The following NOX5 variants were observed in gnomAD, a reference collection of about 807,000 sequenced individuals.
The protein encoded by NOX5 is NADPH oxidase, EF-hand calcium binding domain 5.
In NOX5, 76 loss-of-function variants were observed where a neutral mutation model predicts 85.7. That is an observed-to-expected ratio of 0.89 (90% CI 0.74 to 1.07). The LOEUF is 1.07. Ranked by LOEUF, NOX5 falls within the 50% of genes least tolerant of loss-of-function variation. The probability of loss-of-function intolerance (pLI) is 0.00; values close to 1 mark genes in which losing one functional copy is unlikely to be tolerated. For synonymous variants in NOX5, 405 were observed against 401.4 expected (o/e 1.01, Z -0.11); for missense variants, 973 against 999.5 (o/e 0.97, Z 0.36).
chr15:69,050,289 T>G (rs2050730691), intron 14 of NOX5, among the ~76,000 whole-genome samples: 1 of 152,232 alleles, frequency 6.6e-6, no homozygotes, highest in Non-Finnish European at 1.5e-5. Context: ...TACATATATT[T>G]ACCATTTCTG....
chr15:69,030,759 C>G (rs941316299), intron 3 of NOX5: 1 of 152,226 alleles, frequency 6.6e-6, no homozygotes, highest in African/African-American at 2.4e-5. Context: ...CAATTTCCTT[C>G]TCCCAGATAC....
Position 69,047,053 on chromosome 15 carries a change from G to T in NOX5, c.1692+187G>T, listed in dbSNP as rs2050682794. ...CCCCCTGCTCTTTATATCCAAGGGT[G>T]CTCAGCCTCACCCTCAGCCTGTCTC... On this transcript the variant is annotated intron_variant, in intron 11 of 15. Transcript: ENST00000388866. The T allele has an allele frequency of 2.1e-5, 13 of 628,540 alleles. No individual in the cohort carries two copies. The South Asian group carries it at 2.6e-4, about 13-fold the overall frequency. The allele number at this position is 628,540 out of a possible 1,614,324, so 38.9% of individuals were successfully genotyped here. A position where few individuals can be genotyped will look rare whatever the true frequency, so the allele number is the denominator to read the frequency against.
In NOX5 at chr15:69,031,759, G is replaced by T; in HGVS notation, c.567G>T (p.Glu189Asp). ...ADGNGAITFE[E>D]LRDELQRFPG... The stretch of plus-strand genomic sequence containing the variant: ...GCAACGGGGCCATCACCTTCGAGGA[G>T]CTCCGGGACGAGCTGCAGCGCTTCC... Residue 189 changes from glutamate to aspartate, a missense_variant, in exon 4 of 16, where the codon GAG becomes GAT. Coordinates refer to ENST00000388866, the MANE Select transcript of NOX5 (RefSeq NM_024505.4). 8 of 1,608,932 alleles carry T rather than the reference G, an allele frequency of 5.0e-6. No individual in the cohort carries two copies. Among genetic ancestry groups the T allele is most frequent in the Non-Finnish European group, 6.8e-6 (8 of 1,176,352 alleles).
At chr15:69,028,441 G>A (rs1015697162) in intron 3 of NOX5, 76 bp downstream of exon 3, 14 of 1,440,422 alleles carry the variant, frequency 9.7e-6, no homozygotes, top group East Asian at 7.4e-5. Context: ...TTTCACCTTG[G>A]CAGGCCTGGA....
chr15:69,052,526 T>G (rs1001908242), intron 14 of NOX5, among the ~76,000 whole-genome samples: 10 of 152,234 alleles, frequency 6.6e-5, no homozygotes, highest in Non-Finnish European at 8.8e-5. Flanking sequence ...ATTGGCATAG[T>G]GTTTTAGACT....
At chr15:69,018,342 A>G (rs1268601953) in intron 1 of NOX5, among the ~76,000 whole-genome samples, 2 of 152,156 alleles carry the variant, frequency 1.3e-5, no homozygotes, top group African/African-American at 2.4e-5. Context: ...TAAGTCTGAT[A>G]AGAAACATTT....
intron 5 of NOX5, among the ~76,000 whole-genome samples, chr15:69,033,576 C>T (rs1443060885): frequency 6.6e-6 from 1 of 152,170 alleles, no homozygotes; most frequent in Non-Finnish European, 1.5e-5. Flanking sequence ...GACCCCTGTG[C>T]AGGAGCACCT....
At position 69,059,668 on chromosome 15, in the gene NOX5, G is replaced by A. The variant is rs901750327; in HGVS notation, c.*2972G>A. ...CATCGAAGGCAGCAGGACCACACAT[G>A]TGAGTGTACAGCACGCATGGTCTGA... On this transcript the variant is annotated 3_prime_UTR_variant, in exon 16 of 16. Coordinates refer to ENST00000388866, the MANE Select transcript of NOX5 (RefSeq NM_024505.4). 51 of 152,216 alleles carry A rather than the reference G, an allele frequency of 3.4e-4. No homozygotes were observed. The highest frequency in any genetic ancestry group is 1.2e-3 in the African/African-American group (51 of 41,426). The allele number at this position is 152,216 out of a possible 1,614,324, so 9.4% of individuals were successfully genotyped here.
Position 69,047,418 on chromosome 15 carries a change from C to G in NOX5, c.1698C>G (p.Tyr566Ter), listed in dbSNP as rs750766892. Residue 566 changes from tyrosine (Y) to a stop codon, truncating the protein, a stop_gained, in exon 12 of 16, where the codon TAC becomes TAG. Transcript: ENST00000388866. LOFTEE classifies it high-confidence loss of function. The stretch of plus-strand genomic sequence containing the variant: ...TGATGCCCTCTTGTGCACAGTGCTA[C>G]ATCGATGGGCCTTATGGGACCCCCA... ...EKHKFCNIKC[Y>*]IDGPYGTPTR... 8.1e-6 allele frequency: 13 copies of G among 1,613,034 alleles called. No individual in the cohort carries two copies. In the Admixed American group the frequency reaches 2.0e-4, roughly 25 times the overall value.
intron 1 of NOX5, among the ~76,000 whole-genome samples, chr15:69,017,444 G>A (rs901386627): frequency 5.9e-5 from 9 of 152,072 alleles, no homozygotes; most frequent in East Asian, 3.9e-4. Context: ...GAGCCACTGC[G>A]GCCGGCCAGA....
intron 1 of NOX5, chr15:69,022,247 C>T (rs966173452): frequency 8.4e-5 from 17 of 203,560 alleles, no homozygotes; most frequent in Admixed American, 4.8e-5. Flanking sequence ...CCAATAATGT[C>T]GAAGTTTTTA....
At chr15:69,055,927 C>G (rs1382902408) in intron 15 of NOX5, among the ~76,000 whole-genome samples, 1 of 152,042 alleles carries the variant, frequency 6.6e-6, no homozygotes, top group African/African-American at 2.4e-5. Flanking sequence ...TTTTTCTTTC[C>G]TGAACACTTA....
chr15:69,027,499 A>T lies in NOX5; in HGVS notation c.175-716A>T, dbSNP rs116576798. 7.3e-3 allele frequency among the ~76,000 whole-genome samples: 1,111 copies of T among 152,124 alleles called. 15 individuals carry two copies. The highest frequency in any genetic ancestry group is 0.026 in the African/African-American group (1,071 of 41,518). ...TACCTCATACTTGTGAACCCCTCAT[A>T]GTTTTATTAAGTCAGACACTAGAGC... On this transcript the variant is annotated intron_variant, in intron 2 of 15. Coordinates refer to ENST00000388866, the MANE Select transcript of NOX5 (RefSeq NM_024505.4).
In NOX5 at chr15:69,059,265, C is replaced by G. The variant is rs768828204; in HGVS notation, c.*2569C>G. On this transcript the variant is annotated 3_prime_UTR_variant, in exon 16 of 16. Transcript: ENST00000388866. ...CAGATTCCAGTTGCCCACGAGAGGGCGCTGCAGAATCACGGATCTCAAGCG... is the reference window on the plus strand; with the variant it reads ...CAGATTCCAGTTGCCCACGAGAGGGGGCTGCAGAATCACGGATCTCAAGCG... The G allele has an allele frequency of 6.6e-6, 1 of 152,126 alleles. No individual in the cohort carries two copies. The highest frequency in any genetic ancestry group is 1.5e-5 in the Non-Finnish European group (1 of 68,024). 9.4% of individuals were successfully genotyped at this position (152,126 alleles called of 1,614,324 possible).
chr15:69,047,748 C>A, intron 12 of NOX5, 82 bp from the exon 13 acceptor site: 1 of 1,480,776 alleles, frequency 6.8e-7, no homozygotes, highest in Non-Finnish European at 9.4e-7. Context: ...CCCATCCTTG[C>A]TCCCTGTCCC....
chr15:69,020,401 ATTATT>A (rs1163679039), intron 1 of NOX5, among the ~76,000 whole-genome samples: 1 of 152,070 alleles, frequency 6.6e-6, no homozygotes, highest in Non-Finnish European at 1.5e-5. Flanking sequence ...GCTAATTCTC[ATTATT>A]TTATTTATTT....
intron 8 of NOX5, 144 bp from the exon 9 acceptor site, chr15:69,038,713 C>T: frequency 8.6e-7 from 1 of 1,165,694 alleles, no homozygotes; most frequent in South Asian, 1.3e-5. Flanking sequence ...TGGGCCACCA[C>T]TCAGAAGCAC....
At position 69,045,599 on chromosome 15, in the gene NOX5, T is replaced by TTTC. The variant is rs1567105303; in HGVS notation, c.1648-1221_1648-1220insCTT. Among the ~76,000 whole-genome samples, 111 of 125,768 alleles carry TTTC rather than the reference T, an allele frequency of 8.8e-4. 1 individual carries two copies. Among genetic ancestry groups the TTTC allele is most frequent in the African/African-American group, 3.4e-3 (108 of 32,108 alleles). 82.5% of individuals were successfully genotyped at this position (125,768 alleles called of 152,430 possible). A position where few individuals can be genotyped will look rare whatever the true frequency, so the allele number is the denominator to read the frequency against. On this transcript the variant is annotated intron_variant, in intron 10 of 15. Transcript: ENST00000388866. ...TTTCTTTCTTTTCTTTCTTTCTTTC[T>TTTC]TTTTTTTTTCTCTCTCTCTCTCCTT...
At chr15:69,045,560 C>CTTTCTTTATTTA (rs1555437240) in intron 10 of NOX5, among the ~76,000 whole-genome samples, 1 of 132,192 alleles carries the variant, frequency 7.6e-6, no homozygotes, top group African/African-American at 2.9e-5. Flanking sequence ...TTCTTTCTTT[C>CTTTCTTTATTTA]TTTCTTTCTT....
Sources: gnomAD v4.1 joint callset for allele counts (sites outside exome capture counted in the v4.1 genomes callset) on GRCh38, gnomAD v4.1.1 for gene constraint, MANE v1.5 for transcripts, NCBI Gene and HGNC (gene_info 2026-07-23, HGNC 2026-07-21) for gene names.